DNAAF5: variants seen among roughly 807,000 people sequenced by gnomAD.
DNAAF5 encodes the protein HEAT repeat containing 2.
In DNAAF5, 64 loss-of-function variants were observed where a neutral mutation model predicts 75.8. The ratio of observed to expected loss-of-function variants is 0.84; its 90% confidence interval spans 0.69 to 1.04. The LOEUF (loss-of-function observed/expected upper bound fraction) is 1.04. Ranked by LOEUF, DNAAF5 falls within the 50% of genes least tolerant of loss-of-function variation. The pLI is 0.00. For missense variants in DNAAF5, 1,269 were observed against 1,178.5 expected, an observed-to-expected ratio of 1.08 and a Z score of -1.12; for synonymous variants, 657 against 557.2, an observed-to-expected ratio of 1.18 and a Z score of -2.52.
rs1196982198 is a variant in DNAAF5 at position 785,578 on chromosome 7, C to A, written c.2493C>A (p.Val831=). The part of the protein sequence containing the change: ...PDLLVRETEA[V]IHKHRSATYC... ...TCCTGGTGAGGGAGACGGAGGCCGTCATCCACAAGCACCGCTCGGCCACCT... is the reference window on the plus strand; with the variant it reads ...TCCTGGTGAGGGAGACGGAGGCCGTAATCCACAAGCACCGCTCGGCCACCT... The change falls in exon 13 of 13, where the codon GTC becomes GTA. Residue 831 remains valine (V), a synonymous_variant. Coordinates refer to ENST00000297440, the MANE Select transcript of DNAAF5 (RefSeq NM_017802.4). 1.9e-6 allele frequency: 3 copies of A among 1,613,352 alleles called. No homozygotes were observed. Among genetic ancestry groups the A allele is most frequent in the African/African-American group, 2.7e-5 (2 of 75,068 alleles).
In DNAAF5 at chr7:727,315, G is replaced by A. The variant is rs1781364525; in HGVS notation, c.595G>A (p.Asp199Asn). The A allele has an allele frequency of 3.9e-6, 5 of 1,279,332 alleles. No homozygotes were observed. The highest frequency in any genetic ancestry group is 3.0e-4 in the Middle Eastern group (1 of 3,324). 79.2% of individuals were successfully genotyped at this position (1,279,332 alleles called of 1,614,324 possible). A position where few individuals can be genotyped will look rare whatever the true frequency, so the allele number is the denominator to read the frequency against. ...CGCCGCCCTGGCGCAGGCCACGCCC[G>A]GTGAGCACCCCGGGCCCCGCTCCCA... ...CAAALAQATP[D>N]HFHMQSESLI... The change falls in exon 1 of 13, where the codon GAC becomes AAC. Residue 199 changes from aspartate (D) to asparagine (N), a missense_variant and splice_region_variant. Transcript: ENST00000297440.
intron 8 of DNAAF5, among the ~76,000 whole-genome samples, chr7:768,061 G>C (rs113936202): frequency 6.9e-6 from 1 of 144,672 alleles, no homozygotes. Flanking sequence ...CACGTGGTCC[G>C]GGCGGAAGTG....
intron 2 of DNAAF5, among the ~76,000 whole-genome samples, chr7:731,254 G>A (rs1326468395): frequency 6.6e-6 from 1 of 152,176 alleles, no homozygotes; most frequent in Non-Finnish European, 1.5e-5. Context: ...AGCTGTCGGT[G>A]TAAGCCTACT....
At chr7:743,642 C>CTTT (rs1204447328) in intron 4 of DNAAF5, among the ~76,000 whole-genome samples, 11 of 123,746 alleles carry the variant, frequency 8.9e-5, no homozygotes, top group Non-Finnish European at 1.3e-4. Context: ...AACGCTCGAT[C>CTTT]TTTTTTTTTT....
chr7:763,654 CG>C, intron 7 of DNAAF5, 151 bp from the exon 8 acceptor site: 1 of 821,760 alleles, frequency 1.2e-6, no homozygotes, highest in Non-Finnish European at 1.9e-6. Context: ...GCACCCTGGG[CG>C]GGGCTCCCTG....
intron 8 of DNAAF5, among the ~76,000 whole-genome samples, chr7:767,960 G>A (rs753303407): frequency 2.0e-5 from 3 of 147,910 alleles, no homozygotes; most frequent in Non-Finnish European, 3.0e-5. Flanking sequence ...AGAAGTGTCC[G>A]CCAGCAGGAG....
intron 12 of DNAAF5, among the ~76,000 whole-genome samples, chr7:783,930 G>C (rs1309380532): frequency 6.6e-6 from 1 of 151,948 alleles, no homozygotes; most frequent in Non-Finnish European, 1.5e-5. Flanking sequence ...CCCCAGGACT[G>C]CACAGGGCAT....
At chr7:735,860 A>C (rs1316186433) in intron 2 of DNAAF5, among the ~76,000 whole-genome samples, 1 of 151,864 alleles carries the variant, frequency 6.6e-6, no homozygotes, top group African/African-American at 2.4e-5. Context: ...TTTACGATGC[A>C]GTGTTAGGTT....
At chr7:736,607 G>A (rs753140043) in intron 2 of DNAAF5, among the ~76,000 whole-genome samples, 1 of 152,126 alleles carries the variant, frequency 6.6e-6, no homozygotes, top group Admixed American at 6.5e-5. Flanking sequence ...TTAGTGACGT[G>A]TATTTCTTGT....
rs545810991 is a variant in DNAAF5 at position 751,211 on chromosome 7, A to C, written c.1025-3378A>C. ...CTTTTTTGTTTTTTACAAAATGATG[A>C]CAGGATCATTTAAACAGCCAGCAGA... On this transcript the variant is annotated intron_variant, in intron 4 of 12. Coordinates refer to ENST00000297440, the MANE Select transcript of DNAAF5 (RefSeq NM_017802.4). 1.1e-3 allele frequency among the ~76,000 whole-genome samples: 172 copies of C among 152,252 alleles called. 1 individual carries two copies. The highest frequency in any genetic ancestry group is 3.9e-3 in the African/African-American group (161 of 41,544).
In DNAAF5 at chr7:757,002, C is replaced by T; in HGVS notation, c.1470+8C>T. On this transcript the variant is annotated splice_region_variant and intron_variant, in intron 6 of 12. Coordinates refer to ENST00000297440, the MANE Select transcript of DNAAF5 (RefSeq NM_017802.4). ...TGCCAGGCATCTGAAAACGTAAGAG[C>T]ACTTGGGAGATGCGGGAGTGGAGAG... 1 of 1,598,680 alleles carries T rather than the reference C, an allele frequency of 6.3e-7. No homozygotes were observed. The highest frequency in any genetic ancestry group is 1.3e-5 in the African/African-American group (1 of 74,982).
At chr7:770,678 T>C in intron 9 of DNAAF5, 60 bp downstream of exon 9, 2 of 1,532,860 alleles carry the variant, frequency 1.3e-6, no homozygotes, top group Non-Finnish European at 1.8e-6. Flanking sequence ...GGGGTCCCCA[T>C]CTCCCTCCCC....
intron 12 of DNAAF5, among the ~76,000 whole-genome samples, chr7:781,218 C>CT: frequency 6.6e-6 from 1 of 152,342 alleles, no homozygotes; most frequent in Middle Eastern, 3.4e-3. Context: ...TCCTTCTGCT[C>CT]TATCTCCATG....
At position 733,618 on chromosome 7, in the gene DNAAF5, T is replaced by C. The variant is rs187090820; in HGVS notation, c.780+3771T>C. On this transcript the variant is annotated intron_variant, in intron 2 of 12. Coordinates refer to ENST00000297440, the MANE Select transcript of DNAAF5 (RefSeq NM_017802.4). ...TTCACGCCATTCTCCTTCCTCAGCCTCCCGAGTAGCTGGGACTACAGGTGC... is the reference window on the plus strand; with the variant it reads ...TTCACGCCATTCTCCTTCCTCAGCCCCCCGAGTAGCTGGGACTACAGGTGC... Among the ~76,000 whole-genome samples, 661 of 152,290 alleles carry C rather than the reference T, an allele frequency of 4.3e-3. 7 individuals carry two copies. The highest frequency in any genetic ancestry group is 0.015 in the African/African-American group (635 of 41,538).
intron 2 of DNAAF5, among the ~76,000 whole-genome samples, chr7:737,137 C>A (rs144814332): frequency 0.16 from 24,851 of 151,528 alleles, 2,442 homozygotes; most frequent in Middle Eastern, 0.29. Context: ...ACTCTGTCAC[C>A]CAGGCTGGAG....
intron 4 of DNAAF5, among the ~76,000 whole-genome samples, chr7:748,671 A>C: frequency 1.3e-5 from 2 of 150,530 alleles, no homozygotes; most frequent in African/African-American, 2.4e-5. Flanking sequence ...TCCTCGGTGG[A>C]CTCGGGCCCT....
At chr7:732,557 G>T (rs1380841621) in intron 2 of DNAAF5, 1 of 456,144 alleles carries the variant, frequency 2.2e-6, no homozygotes, top group Admixed American at 2.3e-5. Context: ...TTACAGGAGA[G>T]ACTGGGGATG....
At chr7:769,610 C>T (rs1778484763) in intron 8 of DNAAF5, among the ~76,000 whole-genome samples, 1 of 152,242 alleles carries the variant, frequency 6.6e-6, no homozygotes, top group African/African-American at 2.4e-5. Context: ...TCAACTATTG[C>T]TTGACTTTAA....
intron 2 of DNAAF5, among the ~76,000 whole-genome samples, chr7:735,296 C>T (rs1010380764): frequency 8.1e-5 from 12 of 148,936 alleles, no homozygotes; most frequent in African/African-American, 2.2e-4. Flanking sequence ...TCGCCGCTCA[C>T]GATGTCATTG....
Sources: gnomAD v4.1 joint callset for allele counts (sites outside exome capture counted in the v4.1 genomes callset) on GRCh38, gnomAD v4.1.1 for gene constraint, MANE v1.5 for transcripts, NCBI Gene and HGNC (gene_info 2026-07-23, HGNC 2026-07-21) for gene names.